POMP: variants seen among roughly 807,000 people sequenced by gnomAD.
The protein encoded by POMP is proteasome maturation protein, also known as 2510048O06Rik.
In POMP, 12 loss-of-function variants were observed where a neutral mutation model predicts 20.6. The ratio of observed to expected loss-of-function variants is 0.58; its 90% CI spans 0.37 to 0.94. The LOEUF is 0.94. Among genes scored for constraint, POMP ranks in the 40% least tolerant of loss-of-function variants. The probability of loss-of-function intolerance (pLI) is 0.01; values close to 1 mark genes in which losing one functional copy is unlikely to be tolerated. For missense variants in POMP, 136 were observed against 161.1 expected (o/e 0.84, Z 0.84); for synonymous variants, 53 against 55.0 (o/e 0.96, Z 0.16).
rs560145213 is a variant in POMP at position 28,668,529 on chromosome 13, A to G, written c.219A>G (p.Leu73=). The G allele has an allele frequency of 4.3e-6, 7 of 1,613,202 alleles. No individual in the cohort carries two copies. The African/African-American group carries it at 8.0e-5, about 18-fold the overall frequency. Residue 73 remains leucine, a synonymous_variant, in exon 4 of 6, where the codon CTA becomes CTG. Coordinates refer to ENST00000380842, the MANE Select transcript of POMP (RefSeq NM_015932.6). ...NFSTLRNIQG[L]FAPLKLQMEF... ...CCACACTGAGAAACATTCAGGGTCT[A>G]TTTGCTCCGCTAAAATTACAGATGG...
intron 5 of POMP, among the ~76,000 whole-genome samples, chr13:28,673,803 G>A (rs1038922210): frequency 6.6e-6 from 1 of 152,212 alleles, no homozygotes; most frequent in African/African-American, 2.4e-5. Context: ...GAAAGGGAGA[G>A]GGACTTAGGA....
chr13:28,671,447 G>C (rs74041635), intron 4 of POMP, among the ~76,000 whole-genome samples: 1 of 123,838 alleles, frequency 8.1e-6, no homozygotes, highest in African/African-American at 4.7e-5. Flanking sequence ...AGAATTCTCT[G>C]TCTTTTTTTT....
chr13:28,671,315 A>C (rs932525699), intron 4 of POMP, among the ~76,000 whole-genome samples: 2 of 152,218 alleles, frequency 1.3e-5, no homozygotes, highest in African/African-American at 4.8e-5. Context: ...AAATGAAATC[A>C]CATGTTTGGC....
At chr13:28,661,756 A>T (rs980373018) in intron 1 of POMP, among the ~76,000 whole-genome samples, 21 of 152,186 alleles carry the variant, frequency 1.4e-4, no homozygotes, top group African/African-American at 5.1e-4. Context: ...CGCTATCTTC[A>T]TATAGAAACC....
intron 4 of POMP, among the ~76,000 whole-genome samples, chr13:28,670,409 C>T (rs1353346034): frequency 1.3e-5 from 2 of 152,202 alleles, no homozygotes; most frequent in Non-Finnish European, 2.9e-5. Flanking sequence ...CCCACCATTG[C>T]TACTATGCTG....
At chr13:28,667,352 G>T (rs1280481430) in intron 3 of POMP, among the ~76,000 whole-genome samples, 2 of 152,120 alleles carry the variant, frequency 1.3e-5, no homozygotes, top group East Asian at 3.8e-4. Flanking sequence ...AATCGTGCCT[G>T]TGAATAGCCA....
intron 5 of POMP, among the ~76,000 whole-genome samples, chr13:28,672,751 A>G (rs1197025745): frequency 1.3e-5 from 2 of 152,154 alleles, no homozygotes; most frequent in African/African-American, 4.8e-5. Flanking sequence ...ATAAAAAGAA[A>G]AAAAGTGAAA....
At chr13:28,675,315 T>A (rs1884610790) in intron 5 of POMP, among the ~76,000 whole-genome samples, 1 of 152,008 alleles carries the variant, frequency 6.6e-6, no homozygotes, top group South Asian at 2.1e-4. Flanking sequence ...TAATTTTGTA[T>A]TTTAGTAGAG....
Position 28,672,523 on chromosome 13 carries a change from G to A in POMP, c.358+91G>A. 5 of 946,582 alleles carry A rather than the reference G, an allele frequency of 5.3e-6. No individual in the cohort carries two copies. In the East Asian group the frequency reaches 7.2e-5, roughly 14 times the overall value. The allele number at this position is 946,582 out of a possible 1,614,324, so 58.6% of individuals were successfully genotyped here. On this transcript the variant is annotated intron_variant, in intron 5 of 5. Transcript: ENST00000380842. ...AATAGGCAAAATTCTTGTCCTCATG[G>A]AACTTACAGCTGATTGGGTTCACTT...
rs113267509 is a variant in POMP at position 28,671,635 on chromosome 13, C to CT, written c.265-693dup. Among the ~76,000 whole-genome samples, 1,284 of 143,606 alleles carry CT rather than the reference C, an allele frequency of 8.9e-3. 13 individuals carry two copies. The highest frequency in any genetic ancestry group is 0.03 in the African/African-American group (1,190 of 39,406). 94.2% of individuals were successfully genotyped at this position (143,606 alleles called of 152,430 possible). A position where few individuals can be genotyped will look rare whatever the true frequency, so the allele number is the denominator to read the frequency against. On this transcript the variant is annotated intron_variant, in intron 4 of 5. Coordinates refer to ENST00000380842, the MANE Select transcript of POMP (RefSeq NM_015932.6). ...TGTTTCTTCCTCTTCCTCCCACTTC[C>CT]TTTTTTTTTTTAGGTTTGACAATCT...
chr13:28,663,305 TTTTG>T (rs1884380940), intron 2 of POMP, among the ~76,000 whole-genome samples: 1 of 152,138 alleles, frequency 6.6e-6, no homozygotes, highest in Non-Finnish European at 1.5e-5. Flanking sequence ...TACTCTTATT[TTTTG>T]TTTATTTATT....
intron 2 of POMP, among the ~76,000 whole-genome samples, chr13:28,663,573 G>A (rs1200983765): frequency 6.6e-6 from 1 of 152,198 alleles, no homozygotes; most frequent in Non-Finnish European, 1.5e-5. Flanking sequence ...GCCTCCCAGA[G>A]TGCTGGGATT....
chr13:28,667,227 A>C (rs980217173), intron 3 of POMP, among the ~76,000 whole-genome samples: 10 of 152,178 alleles, frequency 6.6e-5, no homozygotes, highest in Non-Finnish European at 1.5e-4. Context: ...GAGTTATTAT[A>C]CATAAAATTA....
intron 5 of POMP, 67 bp downstream of exon 5, chr13:28,672,499 A>T: frequency 8.2e-7 from 1 of 1,215,030 alleles, no homozygotes; most frequent in Non-Finnish European, 1.2e-6. Context: ...TGCAAAAAGA[A>T]TAGGCAAAAT....
intron 3 of POMP, among the ~76,000 whole-genome samples, chr13:28,666,858 T>C (rs933379297): frequency 1.3e-5 from 2 of 152,104 alleles, no homozygotes; most frequent in Non-Finnish European, 2.9e-5. Flanking sequence ...AAGGGAACAG[T>C]TGGCAAAGTC....
intron 2 of POMP, 59 bp downstream of exon 2, chr13:28,662,566 C>G: frequency 7.2e-7 from 1 of 1,382,520 alleles, no homozygotes; most frequent in Non-Finnish European, 1.0e-6. Context: ...TCACAATATT[C>G]TTTAAGTATT....
rs780256778 is a variant in POMP at position 28,672,453 on chromosome 13, T to C, written c.358+21T>C. 1.4e-5 allele frequency: 22 copies of C among 1,518,898 alleles called. No homozygotes were observed. In the South Asian group the frequency reaches 2.4e-4, roughly 16 times the overall value. 94.1% of individuals were successfully genotyped at this position (1,518,898 alleles called of 1,614,324 possible). A position where few individuals can be genotyped will look rare whatever the true frequency, so the allele number is the denominator to read the frequency against. ...TAATGGTAAGTGTCATTCAGCACCT[T>C]TTTATGGAGCCCTTGTAATTTAAAA... On this transcript the variant is annotated intron_variant, in intron 5 of 5. Transcript: ENST00000380842.
chr13:28,672,998 C>T (rs1355655219), intron 5 of POMP, among the ~76,000 whole-genome samples: 1 of 149,702 alleles, frequency 6.7e-6, no homozygotes, highest in Non-Finnish European at 1.5e-5. Context: ...ATAAATCTTT[C>T]TTTAAAAAGT....
intron 4 of POMP, among the ~76,000 whole-genome samples, chr13:28,672,106 A>G (rs893146786): frequency 6.6e-6 from 1 of 152,234 alleles, no homozygotes; most frequent in Non-Finnish European, 1.5e-5. Context: ...AAGCCTCAAA[A>G]TACATGCACA....
Sources: allele counts gnomAD v4.1 joint callset (sites outside exome capture counted in the v4.1 genomes callset), GRCh38; gene constraint gnomAD v4.1.1; transcripts MANE v1.5; gene names NCBI Gene and HGNC (gene_info 2026-07-23, HGNC 2026-07-21).